Variants in LAMA5 observed in about 807,000 individuals in gnomAD.
The protein encoded by LAMA5 is laminin subunit alpha-5.
Under a neutral mutation model 433.4 loss-of-function variants are expected in LAMA5, and 260 were observed. That is an observed-to-expected ratio of 0.60 (90% CI 0.54 to 0.66). LAMA5 has a LOEUF of 0.66. LAMA5 is among the 30% of genes least tolerant of loss of function. The pLI, the probability that LAMA5 is intolerant of heterozygous loss-of-function variation, is 0.00. For missense variants in LAMA5, 5,378 were observed against 5,258.5 expected (o/e 1.02, Z -0.70); for synonymous variants, 2,620 against 2,226.6 (o/e 1.18, Z -4.97).
Position 62,325,358 on chromosome 20 carries a change from C to G in LAMA5, c.5487G>C (p.Glu1829Asp). The G allele has an allele frequency of 6.2e-7, 1 of 1,606,184 alleles. No individual in the cohort carries two copies. The highest frequency in any genetic ancestry group is 2.2e-5 in the East Asian group (1 of 44,716). The change falls in exon 41 of 80, where the codon GAG becomes GAC. Residue 1829 changes from glutamate (E) to aspartate (D), a missense_variant. Glu to Asp is a conservative substitution (Grantham distance 45). Coordinates refer to ENST00000252999, the MANE Select transcript of LAMA5 (RefSeq NM_005560.6). ...GGTAGCTGGCGGGGCACAGGCACAG[C>G]TCCACATTGCTGGCCAGGGCCCCCT... is the stretch of plus-strand genomic sequence containing the variant. ...AGQGALASNVELCLCPASYRG... is the reference protein window; with the variant it reads ...AGQGALASNVDLCLCPASYRG...
At chr20:62,364,424 G>T (rs1986494495) in intron 1 of LAMA5, among the ~76,000 whole-genome samples, 1 of 152,202 alleles carries the variant, frequency 6.6e-6, no homozygotes, top group Non-Finnish European at 1.5e-5. Context: ...TCTTCCAGGA[G>T]GTCAGGGAAG....
chr20:62,366,943 G>T lies in LAMA5; in HGVS notation c.297+6C>A. 1.6e-6 allele frequency: 2 copies of T among 1,264,596 alleles called. No homozygotes were observed. The highest frequency in any genetic ancestry group is 2.0e-6 in the Non-Finnish European group (2 of 1,006,372). 78.3% of individuals were successfully genotyped at this position (1,264,596 alleles called of 1,614,324 possible). A position where few individuals can be genotyped will look rare whatever the true frequency, so the allele number is the denominator to read the frequency against. On this transcript the variant is annotated splice_donor_region_variant and intron_variant, in intron 1 of 79. Transcript: ENST00000252999. ...AGGAAGCCCCACGGCCCGCCCCTGC[G>T]CTCACCCGGATGGTCTGGTTGGGGT...
intron 48 of LAMA5, among the ~76,000 whole-genome samples, chr20:62,321,755 T>TGGGGCCAGGGGA (rs1568919026): frequency 2.2e-4 from 1 of 4,590 alleles, no homozygotes; most frequent in Non-Finnish European, 4.4e-4. Flanking sequence ...AGTGGAGGGG[T>TGGGGCCAGGGGA]GGGGTCAGTG....
At chr20:62,335,780 A>C (rs1981490312) in intron 18 of LAMA5, among the ~76,000 whole-genome samples, 1 of 103,452 alleles carries the variant, frequency 9.7e-6, no homozygotes, top group Non-Finnish European at 1.9e-5. Flanking sequence ...ACACTCATGG[A>C]CTCCAGTCCC....
rs778606957 is a variant in LAMA5 at position 62,333,175 on chromosome 20, C to A, written c.3197G>T (p.Arg1066Leu). The part of the protein sequence containing the change: ...PSAAGLEALC[R>L]QDNSLPRPCP... ...GGGCCGGGGCAGGCTGTTGTCCTGG[C>A]GACACAGGGCCTCCAGCCCGGCGGC... is the stretch of plus-strand genomic sequence containing the variant. The change falls in exon 26 of 80, where the codon CGC becomes CTC. Residue 1066 changes from arginine (R) to leucine (L), a missense_variant. Coordinates refer to ENST00000252999, the MANE Select transcript of LAMA5 (RefSeq NM_005560.6). 1.6e-5 allele frequency: 24 copies of A among 1,519,350 alleles called. No homozygotes were observed. The highest frequency in any genetic ancestry group is 1.9e-5 in the Non-Finnish European group (22 of 1,134,806). The allele number at this position is 1,519,350 out of a possible 1,614,324, so 94.1% of individuals were successfully genotyped here.
At chr20:62,319,618 C>A in intron 51 of LAMA5, 66 bp downstream of exon 51, 2 of 1,209,174 alleles carry the variant, frequency 1.7e-6, no homozygotes, top group Non-Finnish European at 2.3e-6. Flanking sequence ...CGGCCAGGCA[C>A]CCCCACCCCT....
At chr20:62,342,063 G>A (rs576131031) in intron 11 of LAMA5, 2 of 161,238 alleles carry the variant, frequency 1.2e-5, no homozygotes, top group Admixed American at 6.4e-5. Context: ...AGCACTTTGG[G>A]AGGCCGAGGC....
Position 62,325,000 on chromosome 20 carries a change from C to G in LAMA5, c.5529+316G>C, listed in dbSNP as rs1979000102. The G allele has an allele frequency of 2.4e-6, 1 of 422,570 alleles. No individual in the cohort carries two copies. Among genetic ancestry groups the G allele is most frequent in the Non-Finnish European group, 4.3e-6 (1 of 232,152 alleles). The allele number at this position is 422,570 out of a possible 1,614,324, so 26.2% of individuals were successfully genotyped here. A position where few individuals can be genotyped will look rare whatever the true frequency, so the allele number is the denominator to read the frequency against. On this transcript the variant is annotated intron_variant, in intron 41 of 79. Transcript: ENST00000252999. The surrounding 1 kb of genome is among the most constrained non-coding windows in gnomAD (Gnocchi z 4.4). ...GGATGGGCAGAATGACAGGCAGACGCCAGGATGGTCGGTGGGGGATGTCCA... is the reference window on the plus strand; with the variant it reads ...GGATGGGCAGAATGACAGGCAGACGGCAGGATGGTCGGTGGGGGATGTCCA...
chr20:62,315,802 A>T, intron 58 of LAMA5, 146 bp downstream of exon 58: 1 of 642,430 alleles, frequency 1.6e-6, no homozygotes, highest in East Asian at 2.7e-5. Context: ...CCTCCCTGGT[A>T]GGCTTTCTGT....
chr20:62,317,612 G>GGGAGTTGGCCGTGGAT (rs1201774768), intron 54 of LAMA5, 50 bp downstream of exon 54: 7 of 1,520,504 alleles, frequency 4.6e-6, no homozygotes, highest in African/African-American at 1.4e-5. Flanking sequence ...GGGCCTGGGA[G>GGGAGTTGGCCGTGGAT]GGAGTTGGCC....
intron 35 of LAMA5, 87 bp downstream of exon 35, chr20:62,328,154 C>G (rs1222536343): frequency 1.7e-5 from 25 of 1,509,360 alleles, no homozygotes; most frequent in Middle Eastern, 2.1e-4. Context: ...CAAATGGGAG[C>G]AGGGTGGGTG....
intron 31 of LAMA5, 57 bp downstream of exon 31, chr20:62,330,431 G>A (rs1018579261): frequency 1.9e-5 from 28 of 1,470,174 alleles, no homozygotes; most frequent in South Asian, 2.8e-5. Context: ...CTGTGGCGCC[G>A]GCATTCCAGC....
intron 3 of LAMA5, 41 bp from the exon 4 acceptor site, chr20:62,352,401 A>C: frequency 6.5e-7 from 1 of 1,527,488 alleles, no homozygotes; most frequent in Non-Finnish European, 8.9e-7. Context: ...GGATCACCAG[A>C]AAAGCCTGGG....
chr20:62,335,307 G>A, intron 18 of LAMA5, 38 bp from the exon 19 acceptor site: 3 of 1,607,364 alleles, frequency 1.9e-6, no homozygotes, highest in Non-Finnish European at 2.5e-6. Flanking sequence ...GCTTGGTGGG[G>A]CAGGAGAGCC....
At chr20:62,365,428 G>C (rs975784375) in intron 1 of LAMA5, among the ~76,000 whole-genome samples, 1 of 152,226 alleles carries the variant, frequency 6.6e-6, no homozygotes, top group African/African-American at 2.4e-5. Flanking sequence ...CACGAGACGG[G>C]GGTAATAAGC....
chr20:62,311,521 C>A lies in LAMA5; in HGVS notation c.9822G>T (p.Gln3274His). ...GGTTCTGCTGCAGATCAAATACGCG[C>A]TGTGGGCCCAGGAGCCTGTGCAGGG... ...NVFVQRLLGPQRVFDLQQNLG... is the reference protein window; with the variant it reads ...NVFVQRLLGPHRVFDLQQNLG... Residue 3274 changes from glutamine (Q) to histidine (H), a missense_variant, in exon 72 of 80, where the codon CAG (glutamine) becomes CAT (histidine). Physicochemically the swap from Gln to His is conservative, Grantham distance 24. Transcript: ENST00000252999. The A allele has an allele frequency of 6.2e-7, 1 of 1,610,132 alleles. No individual in the cohort carries two copies. Among genetic ancestry groups the A allele is most frequent in the Non-Finnish European group, 8.5e-7 (1 of 1,178,230 alleles).
chr20:62,336,469 T>C, intron 17 of LAMA5, 24 bp from the exon 18 acceptor site: 1 of 1,587,490 alleles, frequency 6.3e-7, no homozygotes, highest in Non-Finnish European at 8.6e-7. Context: ...AGACTGCAGG[T>C]CAGAGCGGGC....
In LAMA5 at chr20:62,318,824, C is replaced by T. The variant is rs1194593907; in HGVS notation, c.7042+19G>A. On this transcript the variant is annotated intron_variant, in intron 52 of 79. Coordinates refer to ENST00000252999, the MANE Select transcript of LAMA5 (RefSeq NM_005560.6). ...CCCTGCCTCTCCCCACCCCGCCTGC[C>T]AGGGACAACACCACTCACATCTCTG... 1 of 1,609,088 alleles carries T rather than the reference C, an allele frequency of 6.2e-7. No homozygotes were observed. Among genetic ancestry groups the T allele is most frequent in the Non-Finnish European group, 8.5e-7 (1 of 1,179,052 alleles).
At position 62,315,304 on chromosome 20, in the gene LAMA5, C is replaced by A. The variant is rs1457869088; in HGVS notation, c.7868-97G>T. On this transcript the variant is annotated intron_variant, in intron 58 of 79. Transcript: ENST00000252999. Reference sequence around the variant, plus strand: ...CTGTTGGGCCAGCAACAGGGACATCCAACCCCCTATGGATCGTGTGAGACC... The same window carrying A: ...CTGTTGGGCCAGCAACAGGGACATCAAACCCCCTATGGATCGTGTGAGACC... 3.8e-6 allele frequency: 4 copies of A among 1,066,034 alleles called. No individual in the cohort carries two copies. In the East Asian group the frequency reaches 7.7e-5, roughly 20 times the overall value. The allele number at this position is 1,066,034 out of a possible 1,614,324, so 66.0% of individuals were successfully genotyped here.
Sources: gnomAD v4.1 joint callset for allele counts (sites outside exome capture counted in the v4.1 genomes callset) on GRCh38, gnomAD v4.1.1 for gene constraint, Gnocchi (gnomAD v3.1) non-coding constraint, MANE v1.5 for transcripts, NCBI Gene and HGNC (gene_info 2026-07-23, HGNC 2026-07-21) for gene names.